MYT1L: variants seen among roughly 807,000 people sequenced by gnomAD.
The protein encoded by MYT1L is myelin transcription factor 1 like, also known as myelin transcription factor 1-like protein.
A neutral mutation model predicts 126.7 loss-of-function variants in MYT1L; 12 were observed. The observed-to-expected ratio is 0.09, with a 90% CI of 0.06 to 0.15. The LOEUF is 0.15. Among genes scored for constraint, MYT1L ranks in the 10% least tolerant of loss-of-function variants. The pLI is 1.00. For synonymous variants in MYT1L, 541 were observed against 604.2 expected, an observed-to-expected ratio of 0.90 and a Z score of 1.53; for missense variants, 979 against 1,585.2, an observed-to-expected ratio of 0.62 and a Z score of 6.49.
intron 18 of MYT1L, among the ~76,000 whole-genome samples, chr2:1,882,458 T>C (rs1464733419): frequency 6.6e-6 from 1 of 152,178 alleles, no homozygotes; most frequent in Non-Finnish European, 1.5e-5. Flanking sequence ...GATCACACAT[T>C]AGCTCTCCTC....
At position 1,892,038 on chromosome 2, in the gene MYT1L, C is replaced by T. The variant is rs1384454881; in HGVS notation, c.2282G>A (p.Arg761Gln). 13 of 1,526,088 alleles carry T rather than the reference C, an allele frequency of 8.5e-6. No homozygotes were observed. Among genetic ancestry groups the T allele is most frequent in the African/African-American group, 2.8e-5 (2 of 72,654 alleles). The allele number at this position is 1,526,088 out of a possible 1,614,324, so 94.5% of individuals were successfully genotyped here. A position where few individuals can be genotyped will look rare whatever the true frequency, so the allele number is the denominator to read the frequency against. The change falls in exon 15 of 25, where the codon CGG becomes CAG. Residue 761 changes from arginine to glutamine, a missense_variant and splice_region_variant. Physicochemically the swap from Arg to Gln is conservative, Grantham distance 43 (BLOSUM62 1). Coordinates refer to ENST00000647738, the MANE Select transcript of MYT1L (RefSeq NM_001303052.2). ...CTCCACCTGCCCAGGCGCGCGTACC[C>T]GCGTGGCGCACAGGTCCTGCGGCTT... ...STKPQDLCAT[R>Q]NPDMEVDENG...
At chr2:2,084,683 A>G (rs1477925986) in intron 3 of MYT1L, among the ~76,000 whole-genome samples, 4 of 152,164 alleles carry the variant, frequency 2.6e-5, no homozygotes, top group Non-Finnish European at 4.4e-5. Context: ...GAGAGACCCT[A>G]TGAGGGAGGA....
At chr2:1,976,888 T>G (rs2060229786) in intron 8 of MYT1L, among the ~76,000 whole-genome samples, 1 of 152,168 alleles carries the variant, frequency 6.6e-6, no homozygotes, top group Admixed American at 6.5e-5. Flanking sequence ...CATAATAAAG[T>G]CTGCAACCCT....
At chr2:2,297,324 C>G (rs1440027737) in intron 1 of MYT1L, among the ~76,000 whole-genome samples, 1 of 152,222 alleles carries the variant, frequency 6.6e-6, no homozygotes, top group Non-Finnish European at 1.5e-5. Context: ...TTTGAACATT[C>G]CTAACCACAG....
intron 2 of MYT1L, among the ~76,000 whole-genome samples, chr2:2,231,185 T>C (rs1056903809): frequency 6.6e-6 from 1 of 152,240 alleles, no homozygotes; most frequent in Non-Finnish European, 1.5e-5. Flanking sequence ...GGGAAAAATA[T>C]TAACAGCTGA....
intron 21 of MYT1L, chr2:1,825,263 C>T (rs2039144150): frequency 6.6e-6 from 1 of 152,194 alleles, no homozygotes; most frequent in African/African-American, 2.4e-5. Flanking sequence ...GGAGCTGCCA[C>T]CTGCCCCAAA....
intron 2 of MYT1L, among the ~76,000 whole-genome samples, chr2:2,199,205 T>C (rs2092952701): frequency 1.3e-5 from 2 of 152,256 alleles, no homozygotes; most frequent in Non-Finnish European, 2.9e-5. Flanking sequence ...GTGGGACTGC[T>C]TCTTCATAAA....
rs984101080 is a variant in MYT1L, at chr2:1,917,615, G to A, written c.1484-276C>T. On this transcript the variant is annotated intron_variant, in intron 10 of 24. Coordinates refer to ENST00000647738, the MANE Select transcript of MYT1L (RefSeq NM_001303052.2). The surrounding 1 kb of genome is among the most constrained non-coding windows in gnomAD (Gnocchi z 5.9). ...CTTAACTCTGATTCATTATTTTCCC[G>A]TGTGTTACATGATAAGCTGTGTTGC... Among the ~76,000 whole-genome samples the A allele has an allele frequency of 3.3e-5, 5 of 152,072 alleles. No homozygotes were observed. Among genetic ancestry groups the A allele is most frequent in the East Asian group, 1.9e-4 (1 of 5,190 alleles).
At chr2:1,833,025 A>G (rs1397488432) in intron 21 of MYT1L, among the ~76,000 whole-genome samples, 1 of 152,172 alleles carries the variant, frequency 6.6e-6, no homozygotes, top group African/African-American at 2.4e-5. Context: ...GAATGAGATG[A>G]ATGAATGACA....
chr2:2,206,053 G>T (rs755584849), intron 2 of MYT1L, among the ~76,000 whole-genome samples: 77 of 151,456 alleles, frequency 5.1e-4, no homozygotes, highest in Non-Finnish European at 8.2e-4. Context: ...CATGATTTTG[G>T]CCCACTGCAG....
chr2:2,093,440 G>T (rs1454538707), intron 3 of MYT1L, among the ~76,000 whole-genome samples: 2 of 151,906 alleles, frequency 1.3e-5, no homozygotes, highest in Non-Finnish European at 2.9e-5. Flanking sequence ...CTAATGGCCA[G>T]TGATGATGAG....
At chr2:2,284,752 C>A (rs189637275) in intron 1 of MYT1L, among the ~76,000 whole-genome samples, 4 of 150,328 alleles carry the variant, frequency 2.7e-5, no homozygotes, top group Admixed American at 2.7e-4. Flanking sequence ...TGTCACCAGG[C>A]TGGAGTGCAG....
Position 2,205,013 on chromosome 2 carries a change from CA to C in MYT1L, c.-420-32026del, listed in dbSNP as rs1160560306. ...CATTCTCAGCAAACTAGCGCAAGGA[CA>C]AAAAACCAAACACTGCATGTTCTCA... is the stretch of plus-strand genomic sequence containing the variant. On this transcript the variant is annotated intron_variant, in intron 2 of 24. Coordinates refer to ENST00000647738, the MANE Select transcript of MYT1L (RefSeq NM_001303052.2). 2.1e-4 allele frequency among the ~76,000 whole-genome samples: 31 copies of C among 148,350 alleles called. No individual in the cohort carries two copies. The Middle Eastern group carries it at 0.01, about 50-fold the overall frequency.
intron 5 of MYT1L, among the ~76,000 whole-genome samples, chr2:1,990,699 G>A (rs773808454): frequency 1.3e-5 from 2 of 152,198 alleles, no homozygotes; most frequent in African/African-American, 2.4e-5. Context: ...GAAGGGAGCG[G>A]CTTGGAGAGA....
At chr2:2,204,091 A>G (rs2093203721) in intron 2 of MYT1L, among the ~76,000 whole-genome samples, 1 of 152,218 alleles carries the variant, frequency 6.6e-6, no homozygotes, top group African/African-American at 2.4e-5. Flanking sequence ...GCTTCCTTAC[A>G]CCTTATGCAA....
chr2:1,910,419 A>G lies in MYT1L; in HGVS notation c.1710-72T>C. The G allele has an allele frequency of 2.2e-6, 3 of 1,379,742 alleles. No homozygotes were observed. Among genetic ancestry groups the G allele is most frequent in the Non-Finnish European group, 3.0e-6 (3 of 986,438 alleles). The allele number at this position is 1,379,742 out of a possible 1,614,324, so 85.5% of individuals were successfully genotyped here. A position where few individuals can be genotyped will look rare whatever the true frequency, so the allele number is the denominator to read the frequency against. On this transcript the variant is annotated intron_variant, in intron 12 of 24. Transcript: ENST00000647738. The surrounding 1 kb of genome is among the most constrained non-coding windows in gnomAD (Gnocchi z 4.8). The stretch of plus-strand genomic sequence containing the variant: ...CACAGCACACTAATCCTCCCTTAGC[A>G]CCAAGACCCTGATGCAGGTGGAGCT...
At chr2:2,112,225 C>G (rs1457765545) in intron 3 of MYT1L, among the ~76,000 whole-genome samples, 2 of 152,168 alleles carry the variant, frequency 1.3e-5, no homozygotes, top group Non-Finnish European at 2.9e-5. Context: ...AGGCATCTCT[C>G]TATCGAAGCT....
At chr2:1,895,897 C>A (rs1461361461) in intron 14 of MYT1L, among the ~76,000 whole-genome samples, 1 of 152,182 alleles carries the variant, frequency 6.6e-6, no homozygotes, top group Non-Finnish European at 1.5e-5. Context: ...ACGGAGCAGA[C>A]AGATAACCTA....
intron 18 of MYT1L, among the ~76,000 whole-genome samples, chr2:1,854,546 T>C (rs1360517155): frequency 1.3e-5 from 2 of 152,162 alleles, no homozygotes; most frequent in Non-Finnish European, 2.9e-5. Flanking sequence ...TAGGTTTCAG[T>C]AAAAAAAGTT....
Sources: allele counts gnomAD v4.1 joint callset (sites outside exome capture counted in the v4.1 genomes callset), GRCh38; gene constraint gnomAD v4.1.1; non-coding constraint Gnocchi (gnomAD v3.1); transcripts MANE v1.5; gene names NCBI Gene and HGNC (gene_info 2026-07-23, HGNC 2026-07-21).